CADPS2: variants seen among roughly 807,000 people sequenced by gnomAD.
The protein encoded by CADPS2 is calcium-dependent secretion activator 2.
A neutral mutation model predicts 172.5 loss-of-function variants in CADPS2; 93 were observed. That is an observed-to-expected ratio of 0.54 (90% confidence interval 0.46 to 0.64). The LOEUF (loss-of-function observed/expected upper bound fraction) is 0.64. Among genes scored for constraint, CADPS2 ranks in the 30% least tolerant of loss-of-function variants. The pLI, the probability that CADPS2 is intolerant of heterozygous loss-of-function variation, is 0.00. For missense variants in CADPS2, 1,420 were observed against 1,565.9 expected (o/e 0.91, Z 1.57); for synonymous variants, 546 against 555.2 (o/e 0.98, Z 0.23).
At chr7:122,489,760 T>C (rs778519820) in intron 11 of CADPS2, among the ~76,000 whole-genome samples, 4 of 152,148 alleles carry the variant, frequency 2.6e-5, no homozygotes, top group South Asian at 2.1e-4. Flanking sequence ...TCCATATCTA[T>C]AGGAGACTTA....
At chr7:122,493,005 T>C (rs1018349979) in intron 9 of CADPS2, among the ~76,000 whole-genome samples, 1 of 152,180 alleles carries the variant, frequency 6.6e-6, no homozygotes, top group Non-Finnish European at 1.5e-5. Flanking sequence ...ATTACTTCAA[T>C]AGGACCCCAA....
At chr7:122,770,330 T>C (rs1370188598) in intron 1 of CADPS2, among the ~76,000 whole-genome samples, 4 of 152,180 alleles carry the variant, frequency 2.6e-5, no homozygotes, top group Non-Finnish European at 5.9e-5. Flanking sequence ...AAAAAAAGTA[T>C]AGAAAATATG....
At chr7:122,665,591 T>C (rs2081107257) in intron 2 of CADPS2, among the ~76,000 whole-genome samples, 1 of 152,214 alleles carries the variant, frequency 6.6e-6, no homozygotes, top group Non-Finnish European at 1.5e-5. Context: ...AATCATCTAA[T>C]GCAAAGCTTA....
At chr7:122,759,129 T>A (rs190158762) in intron 1 of CADPS2, among the ~76,000 whole-genome samples, 1 of 152,146 alleles carries the variant, frequency 6.6e-6, no homozygotes, top group East Asian at 1.9e-4. Flanking sequence ...TCCCTCTAAG[T>A]GGAGAATCAC....
intron 22 of CADPS2, among the ~76,000 whole-genome samples, chr7:122,392,424 C>T (rs1442174128): frequency 2.6e-5 from 4 of 151,564 alleles, no homozygotes; most frequent in Non-Finnish European, 4.4e-5. Context: ...AAACATCTTT[C>T]ATTTAGGTGT....
chr7:122,533,260 T>C (rs17144525), intron 8 of CADPS2, among the ~76,000 whole-genome samples: 16,190 of 152,096 alleles, frequency 0.11, 1,059 homozygotes, highest in African/African-American at 0.18. Flanking sequence ...TATAAAGCAG[T>C]AGTTAAAAAA....
At chr7:122,439,934 A>G (rs2051139362) in intron 16 of CADPS2, among the ~76,000 whole-genome samples, 1 of 152,108 alleles carries the variant, frequency 6.6e-6, no homozygotes. Context: ...AATATTTCAT[A>G]TTATCTGGGA....
At chr7:122,601,917 G>A (rs902305210) in intron 6 of CADPS2, among the ~76,000 whole-genome samples, 3 of 151,846 alleles carry the variant, frequency 2.0e-5, no homozygotes, top group Non-Finnish European at 4.4e-5. Context: ...CCTTTTAAAC[G>A]GGAAGGCTTA....
At chr7:122,518,517 A>G (rs35998200) in intron 8 of CADPS2, among the ~76,000 whole-genome samples, 14,128 of 152,096 alleles carry the variant, frequency 0.093, 738 homozygotes, top group African/African-American at 0.13. Flanking sequence ...GAGTCTACCA[A>G]ATAAACATAT....
chr7:122,674,628 T>G (rs934671783), intron 2 of CADPS2, among the ~76,000 whole-genome samples: 1 of 152,252 alleles, frequency 6.6e-6, no homozygotes, highest in Non-Finnish European at 1.5e-5. Flanking sequence ...TCAAACATAC[T>G]TTTCCACAGA....
chr7:122,636,961 TTCCTC>T (rs1451386037), intron 3 of CADPS2, among the ~76,000 whole-genome samples: 1 of 152,134 alleles, frequency 6.6e-6, no homozygotes, highest in East Asian at 1.9e-4. Flanking sequence ...CTTACTCTCT[TTCCTC>T]TGTCAGGAAT....
At chr7:122,847,695 A>G (rs1342940430) in intron 1 of CADPS2, among the ~76,000 whole-genome samples, 1 of 152,180 alleles carries the variant, frequency 6.6e-6, no homozygotes. Context: ...AATTTGCCTT[A>G]GCTCACATTT....
At chr7:122,755,353 C>A (rs899200661) in intron 1 of CADPS2, among the ~76,000 whole-genome samples, 2 of 152,104 alleles carry the variant, frequency 1.3e-5, no homozygotes, top group Non-Finnish European at 2.9e-5. Context: ...ATATAACTAC[C>A]AGACTGAACT....
At chr7:122,732,930 T>C (rs1027815879) in intron 2 of CADPS2, among the ~76,000 whole-genome samples, 2 of 147,320 alleles carry the variant, frequency 1.4e-5, no homozygotes, top group African/African-American at 4.9e-5. Flanking sequence ...GTATAATACA[T>C]ATTATATACA....
At chr7:122,377,166 T>C (rs1031171755) in intron 25 of CADPS2, among the ~76,000 whole-genome samples, 2 of 152,160 alleles carry the variant, frequency 1.3e-5, no homozygotes, top group African/African-American at 4.8e-5. Flanking sequence ...AAATTAAAAA[T>C]TTAATTTCTC....
At chr7:122,699,846 CAT>C (rs1311749583) in intron 2 of CADPS2, among the ~76,000 whole-genome samples, 3 of 152,116 alleles carry the variant, frequency 2.0e-5, no homozygotes, top group Non-Finnish European at 4.4e-5. Context: ...TAAATATAGT[CAT>C]ATTAGTTTGG....
intron 1 of CADPS2, among the ~76,000 whole-genome samples, chr7:122,799,118 G>C (rs961139167): frequency 2.0e-5 from 3 of 151,890 alleles, no homozygotes; most frequent in Admixed American, 6.6e-5. Flanking sequence ...CAAGTTTGTA[G>C]TCTTTGCACC....
At position 122,388,592 on chromosome 7, in the gene CADPS2, C is replaced by T; in HGVS notation, c.3155G>A (p.Cys1052Tyr). Residue 1052 changes from cysteine (C) to tyrosine (Y), a missense_variant, in exon 23 of 30, where the codon TGT becomes TAT. Cys to Tyr is a radical substitution (Grantham distance 194, BLOSUM62 -2). Transcript: ENST00000449022. ...KLMASDMLEACVKRTRTAFEL... is the reference protein window; with the variant it reads ...KLMASDMLEAYVKRTRTAFEL... Reference sequence around the variant, plus strand: ...GAAAATACATGTCTACCTTTTGACACAGGCCTCTAGCATATCACTGGCCAT... The same window carrying T: ...GAAAATACATGTCTACCTTTTGACATAGGCCTCTAGCATATCACTGGCCAT... 1 of 1,588,012 alleles carries T rather than the reference C, an allele frequency of 6.3e-7. No individual in the cohort carries two copies. The highest frequency in any genetic ancestry group is 2.2e-5 in the East Asian group (1 of 44,536).
At chr7:122,676,287 C>A (rs772096866) in intron 2 of CADPS2, among the ~76,000 whole-genome samples, 21 of 152,020 alleles carry the variant, frequency 1.4e-4, no homozygotes, top group South Asian at 8.3e-4. Flanking sequence ...TTGTTAGGGT[C>A]CTTCATAAAA....
Sources: allele counts gnomAD v4.1 joint callset (sites outside exome capture counted in the v4.1 genomes callset), GRCh38; gene constraint gnomAD v4.1.1; transcripts MANE v1.5; gene names NCBI Gene and HGNC (gene_info 2026-07-23, HGNC 2026-07-21).